The following PCDHGB7 variants were observed in gnomAD, a reference collection of about 807,000 sequenced individuals.
PCDHGB7 encodes protocadherin gamma subfamily B, 7, also known as protocadherin gamma-B7.
PCDHGB7 carries 37 observed loss-of-function variants against 61.4 expected under a neutral mutation model. That is an observed-to-expected ratio of 0.60 (90% CI 0.46 to 0.79). PCDHGB7 has a LOEUF of 0.79. PCDHGB7 is among the 30% of genes least tolerant of loss of function. The pLI is 0.00. For missense variants in PCDHGB7, 1,166 were observed against 1,202.5 expected (o/e 0.97, Z 0.45); for synonymous variants, 464 against 503.5 (o/e 0.92, Z 1.05).
At chr5:141,423,327 A>G in intron 1 of PCDHGB7, 1 of 1,614,100 alleles carries the variant, frequency 6.2e-7, no homozygotes, top group Non-Finnish European at 8.5e-7. Flanking sequence ...CGGTGGCCGC[A>G]GTCTCCTGCA....
chr5:141,492,911 G>A (rs1008138353), intron 1 of PCDHGB7, among the ~76,000 whole-genome samples: 1 of 152,216 alleles, frequency 6.6e-6, no homozygotes, highest in Admixed American at 6.5e-5. Context: ...TGATCACAAT[G>A]TGCCCAGCGA....
At chr5:141,428,987 T>G (rs1185184865) in intron 1 of PCDHGB7, 2 of 152,288 alleles carry the variant, frequency 1.3e-5, no homozygotes, top group Non-Finnish European at 2.9e-5. Context: ...CCCGGGTAGC[T>G]GGGACTACAG....
intron 1 of PCDHGB7, among the ~76,000 whole-genome samples, chr5:141,488,493 C>T (rs1594759823): frequency 6.6e-6 from 1 of 152,226 alleles, no homozygotes; most frequent in East Asian, 1.9e-4. Context: ...AAAACTGTAA[C>T]ACTCATTCCA....
chr5:141,461,961 T>C (rs914134151), intron 1 of PCDHGB7, among the ~76,000 whole-genome samples: 3 of 152,192 alleles, frequency 2.0e-5, no homozygotes, highest in African/African-American at 7.2e-5. Context: ...GTAGCTGGGA[T>C]TCCAGGCATA....
At chr5:141,509,344 T>A (rs2099876374) in intron 3 of PCDHGB7, among the ~76,000 whole-genome samples, 1 of 152,202 alleles carries the variant, frequency 6.6e-6, no homozygotes, top group Admixed American at 6.5e-5. Flanking sequence ...GGGCCTGGGC[T>A]GGCCTGGGCA....
At chr5:141,433,123 C>A in intron 1 of PCDHGB7, 1 of 1,614,116 alleles carries the variant, frequency 6.2e-7, no homozygotes, top group Non-Finnish European at 8.5e-7. Context: ...TTGAAAAAAG[C>A]GAGCCCCTTT....
chr5:141,475,740 A>G (rs942793010), intron 1 of PCDHGB7, among the ~76,000 whole-genome samples: 4 of 152,280 alleles, frequency 2.6e-5, no homozygotes, highest in Non-Finnish European at 5.9e-5. Flanking sequence ...TCCCTAAGGT[A>G]GGTTTCCTAT....
At chr5:141,453,205 G>C (rs570291941) in intron 1 of PCDHGB7, among the ~76,000 whole-genome samples, 2 of 151,872 alleles carry the variant, frequency 1.3e-5, no homozygotes, top group Non-Finnish European at 2.9e-5. Context: ...CCTCAACCTC[G>C]TGCACTTAAG....
intron 3 of PCDHGB7, among the ~76,000 whole-genome samples, chr5:141,506,146 T>C (rs1014881418): frequency 6.6e-6 from 1 of 152,086 alleles, no homozygotes; most frequent in African/African-American, 2.4e-5. Context: ...AAGAATATCA[T>C]TTGTCCTTAA....
At chr5:141,452,524 C>T (rs542476667) in intron 1 of PCDHGB7, among the ~76,000 whole-genome samples, 83 of 152,294 alleles carry the variant, frequency 5.4e-4, no homozygotes, top group African/African-American at 1.9e-3. Flanking sequence ...CCCTCAAAAT[C>T]GTGAGTTCAT....
At chr5:141,453,964 C>T (rs2098778500) in intron 1 of PCDHGB7, among the ~76,000 whole-genome samples, 1 of 152,296 alleles carries the variant, frequency 6.6e-6, no homozygotes, top group Non-Finnish European at 1.5e-5. Context: ...GACAGCAAAG[C>T]ATGTAGTTGT....
rs532830928 is a variant in PCDHGB7 at position 141,473,487 on chromosome 5, A to G, written c.2416-21320A>G. Reference sequence around the variant, plus strand: ...TTGTGCCAAGTTCAATGGAAAAAATATAAGGTGTTCTGAGAGAGCATAACA... The same window carrying G: ...TTGTGCCAAGTTCAATGGAAAAAATGTAAGGTGTTCTGAGAGAGCATAACA... On this transcript the variant is annotated intron_variant, in intron 1 of 3. Coordinates refer to ENST00000398594, the MANE Select transcript of PCDHGB7 (RefSeq NM_018927.4). 2.0e-3 allele frequency among the ~76,000 whole-genome samples: 310 copies of G among 152,242 alleles called. 5 individuals carry two copies. The South Asian group carries it at 0.052, about 25-fold the overall frequency.
chr5:141,427,710 G>T, intron 1 of PCDHGB7: 2 of 1,033,628 alleles, frequency 1.9e-6, no homozygotes, highest in South Asian at 2.6e-5. Context: ...CAGCGCCTCT[G>T]ACCTGGACCT....
rs1163353349 is a variant in PCDHGB7, at chr5:141,489,426, G to C, written c.2416-5381G>C. 6.2e-7 allele frequency: 1 copy of C among 1,614,012 alleles called. No homozygotes were observed. The highest frequency in any genetic ancestry group is 1.3e-5 in the African/African-American group (1 of 74,922). ...TAAAGATGACAGATCTGTTGAGCCGGCGGCTGCAATTGGGCTCTGAGGAGA... is the reference window on the plus strand; with the variant it reads ...TAAAGATGACAGATCTGTTGAGCCGCCGGCTGCAATTGGGCTCTGAGGAGA... On this transcript the variant is annotated intron_variant, in intron 1 of 3. Transcript: ENST00000398594. The surrounding 1 kb of genome is among the most constrained non-coding windows in gnomAD (Gnocchi z 4.5).
chr5:141,489,312 G>A lies in PCDHGB7; in HGVS notation c.2416-5495G>A, dbSNP rs745541067. The A allele has an allele frequency of 2.5e-6, 4 of 1,594,972 alleles. No homozygotes were observed. The highest frequency in any genetic ancestry group is 2.6e-6 in the Non-Finnish European group (3 of 1,169,822). On this transcript the variant is annotated intron_variant, in intron 1 of 3. Transcript: ENST00000398594. This position sits in a 1 kb window ranked among gnomAD's most constrained non-coding sequence, Gnocchi z 4.5. ...TGTGCATGTTGTCCTTGTGCTGCTG[G>A]GGCTGGGTGTCTGGGCAGCTTCGTT...
At chr5:141,480,167 G>C (rs752444894) in intron 1 of PCDHGB7, among the ~76,000 whole-genome samples, 3 of 151,964 alleles carry the variant, frequency 2.0e-5, no homozygotes, top group Non-Finnish European at 2.9e-5. Flanking sequence ...ATTTTGGGAG[G>C]CTGAGGCAGG....
intron 1 of PCDHGB7, 33 bp from the exon 2 acceptor site, chr5:141,494,774 T>C (rs1462930792): frequency 6.2e-7 from 1 of 1,613,860 alleles, no homozygotes; most frequent in African/African-American, 1.3e-5. Flanking sequence ...TTCTCACGGG[T>C]ACTCAGCCCC....
chr5:141,430,750 G>A (rs746434313), intron 1 of PCDHGB7: 2 of 1,500,586 alleles, frequency 1.3e-6, no homozygotes, highest in Non-Finnish European at 1.8e-6. Context: ...AATTCTGGAG[G>A]AAGATAAGAA....
At chr5:141,423,750 T>TGGGG (rs144521096) in intron 1 of PCDHGB7, 28 of 288,222 alleles carry the variant, frequency 9.7e-5, no homozygotes, top group Non-Finnish European at 1.2e-4. Flanking sequence ...GAAAACTGTT[T>TGGGG]GGGGGGGGGG....
Sources: gnomAD v4.1 joint callset for allele counts (sites outside exome capture counted in the v4.1 genomes callset) on GRCh38, gnomAD v4.1.1 for gene constraint, Gnocchi (gnomAD v3.1) non-coding constraint, MANE v1.5 for transcripts, NCBI Gene and HGNC (gene_info 2026-07-23, HGNC 2026-07-21) for gene names.